PTPRN2: variants seen among roughly 807,000 people sequenced by gnomAD.
The protein encoded by PTPRN2 is receptor-type tyrosine-protein phosphatase N2.
In PTPRN2, 74 loss-of-function variants were observed where a neutral mutation model predicts 118.8. The ratio of observed to expected loss-of-function variants is 0.62; its 90% confidence interval spans 0.52 to 0.76. The LOEUF is 0.76. PTPRN2 is among the 30% of genes least tolerant of loss of function. The probability of loss-of-function intolerance (pLI) is 0.00; values close to 1 mark genes in which losing one functional copy is unlikely to be tolerated. For missense variants in PTPRN2, 1,481 were observed against 1,394.4 expected (o/e 1.06, Z -0.99); for synonymous variants, 641 against 608.0 (o/e 1.05, Z -0.80).
At chr7:158,471,715 A>T (rs1351343507) in intron 2 of PTPRN2, among the ~76,000 whole-genome samples, 3 of 149,220 alleles carry the variant, frequency 2.0e-5, no homozygotes, top group African/African-American at 7.4e-5. Context: ...CAAACAAAAA[A>T]AAAACCTTAC....
At chr7:158,018,966 C>CAAAAAAAAAAAAAAAAA (rs753498681) in intron 11 of PTPRN2, among the ~76,000 whole-genome samples, 1 of 65,824 alleles carries the variant, frequency 1.5e-5, no homozygotes, top group African/African-American at 5.2e-5. Context: ...GTTTCAAAAA[C>CAAAAAAAAAAAAAAAAA]AAAAAAAAAA....
At chr7:158,305,528 A>C (rs557612282) in intron 3 of PTPRN2, among the ~76,000 whole-genome samples, 2 of 152,286 alleles carry the variant, frequency 1.3e-5, no homozygotes, top group Non-Finnish European at 2.9e-5. Flanking sequence ...GGAAATCAAC[A>C]AACCAAGATC....
chr7:157,933,786 G>A (rs1169658006), intron 11 of PTPRN2, among the ~76,000 whole-genome samples: 2 of 133,378 alleles, frequency 1.5e-5, no homozygotes, highest in Middle Eastern at 4.1e-3. Flanking sequence ...TTTAGAGGAG[G>A]GGTGAGTCAC....
At chr7:158,388,203 C>A (rs1022625950) in intron 2 of PTPRN2, among the ~76,000 whole-genome samples, 1 of 152,152 alleles carries the variant, frequency 6.6e-6, no homozygotes, top group Non-Finnish European at 1.5e-5. Flanking sequence ...CCCCTGGACC[C>A]TTCCGAGTGG....
intron 3 of PTPRN2, among the ~76,000 whole-genome samples, chr7:158,292,037 T>G (rs1800155971): frequency 6.6e-6 from 1 of 152,258 alleles, no homozygotes; most frequent in Non-Finnish European, 1.5e-5. Context: ...ATTGTCTCCA[T>G]GACCTGTCTA....
intron 2 of PTPRN2, among the ~76,000 whole-genome samples, chr7:158,440,978 A>AGTAGTG (rs980794220): frequency 9.3e-6 from 1 of 107,428 alleles, no homozygotes; most frequent in East Asian, 2.9e-4. Context: ...TGTTGGTGGT[A>AGTAGTG]GTGGTGGTGG....
intron 1 of PTPRN2, among the ~76,000 whole-genome samples, chr7:158,542,712 GT>G (rs1331039339): frequency 6.6e-6 from 1 of 152,188 alleles, no homozygotes; most frequent in Non-Finnish European, 1.5e-5. Context: ...TTGTTTCTGA[GT>G]TTGTCAAATA....
At chr7:158,421,782 TG>T (rs1339494533) in intron 2 of PTPRN2, among the ~76,000 whole-genome samples, 1 of 152,212 alleles carries the variant, frequency 6.6e-6, no homozygotes, top group African/African-American at 2.4e-5. Context: ...GTAAATGAGA[TG>T]GAACTGAAAT....
Position 158,563,094 on chromosome 7 carries a change from C to G in PTPRN2, c.112+24464G>C, listed in dbSNP as rs1393291721. Among the ~76,000 whole-genome samples the G allele has an allele frequency of 6.6e-6, 1 of 152,150 alleles. No individual in the cohort carries two copies. The highest frequency in any genetic ancestry group is 6.5e-5 in the Admixed American group (1 of 15,274). On this transcript the variant is annotated intron_variant, in intron 1 of 22. Transcript: ENST00000389418. The surrounding 1 kb of genome is among the most constrained non-coding windows in gnomAD (Gnocchi z 5.1). ...ACAGCCTCGTCCACATAGAGCCTCT[C>G]GAAGCCTTGCACGGACAAAGAAGGT...
intron 3 of PTPRN2, among the ~76,000 whole-genome samples, chr7:158,264,876 G>A (rs1421391459): frequency 6.6e-6 from 1 of 152,272 alleles, no homozygotes; most frequent in Non-Finnish European, 1.5e-5. Context: ...TGCCCGGGAG[G>A]AGCTGTCCCA....
At chr7:158,274,917 C>T (rs532124310) in intron 3 of PTPRN2, among the ~76,000 whole-genome samples, 132 of 152,298 alleles carry the variant, frequency 8.7e-4, no homozygotes, top group Non-Finnish European at 1.7e-3. Context: ...GATAAGATCT[C>T]GACAAAGACC....
intron 6 of PTPRN2, among the ~76,000 whole-genome samples, chr7:158,157,747 A>AC (rs113485142): frequency 0.11 from 17,187 of 151,820 alleles, 1,039 homozygotes; most frequent in African/African-American, 0.17. Context: ...CCACAGAGTG[A>AC]CCCCCCCAGC....
intron 3 of PTPRN2, among the ~76,000 whole-genome samples, chr7:158,240,251 A>C (rs1795830808): frequency 1.7e-5 from 1 of 58,172 alleles, no homozygotes; most frequent in East Asian, 3.4e-4. Context: ...GGAATATACC[A>C]AAAAAGAGAG....
intron 6 of PTPRN2, among the ~76,000 whole-genome samples, chr7:158,147,511 TC>T (rs1676397814): frequency 1.0e-5 from 1 of 99,978 alleles, no homozygotes; most frequent in African/African-American, 4.7e-5. Flanking sequence ...ACGCCACAGG[TC>T]TTTCCCCCTC....
At chr7:158,428,864 T>C (rs1386103754) in intron 2 of PTPRN2, among the ~76,000 whole-genome samples, 5 of 152,182 alleles carry the variant, frequency 3.3e-5, no homozygotes, top group Non-Finnish European at 7.4e-5. Flanking sequence ...GCAATGGAAA[T>C]TATAAAAGCA....
In PTPRN2 at chr7:157,953,462, G is replaced by A. The variant is rs561227482; in HGVS notation, c.1724-54725C>T. 2.4e-4 allele frequency among the ~76,000 whole-genome samples: 36 copies of A among 152,238 alleles called. No homozygotes were observed. The highest frequency in any genetic ancestry group is 8.7e-4 in the African/African-American group (36 of 41,558). On this transcript the variant is annotated intron_variant, in intron 11 of 22. Transcript: ENST00000389418. This position sits in a 1 kb window ranked among gnomAD's most constrained non-coding sequence, Gnocchi z 4.6. ...GTGTCCTCCCAGGATACAGCGGAGTGCCCGTCACCACCTGCCCACCTTCTT... is the reference window on the plus strand; with the variant it reads ...GTGTCCTCCCAGGATACAGCGGAGTACCCGTCACCACCTGCCCACCTTCTT...
At chr7:158,071,018 C>CATG (rs1554527892) in intron 11 of PTPRN2, among the ~76,000 whole-genome samples, 102 of 62,504 alleles carry the variant, frequency 1.6e-3, no homozygotes, top group Non-Finnish European at 1.8e-3. Flanking sequence ...TGGAGGTGCT[C>CATG]GTGGTGGAGG....
At chr7:158,087,070 G>A (rs140841939) in intron 10 of PTPRN2, among the ~76,000 whole-genome samples, 26 of 152,262 alleles carry the variant, frequency 1.7e-4, no homozygotes, top group Middle Eastern at 3.4e-3. Flanking sequence ...TTGGAGGATC[G>A]GGCAGGATAG....
intron 3 of PTPRN2, among the ~76,000 whole-genome samples, chr7:158,269,190 G>A (rs999524932): frequency 6.6e-6 from 1 of 152,128 alleles, no homozygotes; most frequent in Non-Finnish European, 1.5e-5. Flanking sequence ...GGCCTCCTAG[G>A]AGCCCCTGCC....
Sources: gnomAD v4.1 joint callset for allele counts (sites outside exome capture counted in the v4.1 genomes callset) on GRCh38, gnomAD v4.1.1 for gene constraint, Gnocchi (gnomAD v3.1) non-coding constraint, MANE v1.5 for transcripts, NCBI Gene and HGNC (gene_info 2026-07-23, HGNC 2026-07-21) for gene names.